Variants in RP1 observed in about 807,000 individuals in gnomAD.
RP1 encodes oxygen-regulated protein 1.
In RP1, 16 loss-of-function variants were observed where a neutral mutation model predicts 14.8. The ratio of observed to expected loss-of-function variants is 1.08; its 90% CI spans 0.73 to 1.65. The LOEUF (loss-of-function observed/expected upper bound fraction) is 1.65. Ranked by LOEUF, RP1 falls within the 40% of genes most tolerant of loss-of-function variation. The probability of loss-of-function intolerance (pLI) is 0.00; values close to 1 mark genes in which losing one functional copy is unlikely to be tolerated. For missense variants in RP1, 2,631 were observed against 2,535.0 expected (o/e 1.04, Z -0.81); for synonymous variants, 876 against 883.6 (o/e 0.99, Z 0.15).
intron 6 of RP1, chr8:54,656,252 C>T (rs527457753): frequency 6.6e-7 from 1 of 1,519,968 alleles, no homozygotes; most frequent in East Asian, 2.5e-5. Context: ...ATGGATAAAA[C>T]TTGTTTGCCT....
rs1811039249 is a variant in RP1 at position 54,812,795 on chromosome 8, A to ATCTG, written c.3616-24652_3616-24651insGTCT. Among the ~76,000 whole-genome samples the ATCTG allele has an allele frequency of 4.0e-5, 6 of 148,664 alleles. No individual in the cohort carries two copies. In the South Asian group the frequency reaches 1.3e-3, roughly 31 times the overall value. On this transcript the variant is annotated intron_variant, in intron 24 of 28. Transcript: ENST00000637698. ...TATCTATCTATCTATCTATCTATCTATCTATCTATCTATCTCTCCGTCTTC... is the reference window on the plus strand; with the variant it reads ...TATCTATCTATCTATCTATCTATCTATCTGTCTATCTATCTATCTCTCCGTCTTC...
At chr8:54,855,090 C>T (rs1767779604) in intron 26 of RP1, among the ~76,000 whole-genome samples, 1 of 152,184 alleles carries the variant, frequency 6.6e-6, no homozygotes, top group Admixed American at 6.5e-5. Flanking sequence ...CAGCCCTTGG[C>T]AACCACCATT....
intron 27 of RP1, among the ~76,000 whole-genome samples, chr8:54,858,640 T>A (rs1031378931): frequency 4.0e-5 from 6 of 150,438 alleles, no homozygotes; most frequent in African/African-American, 1.5e-4. Context: ...CACTGTAGAG[T>A]TGCATTTCTG....
rs1276684118 is a variant in RP1, at chr8:54,628,849, T to G, written c.4967T>G (p.Val1656Gly). ...FFPGSTRKSQ[V>G]CPYNSVEFQC... ...CCTGGGTCTACCCGCAAATCTCAGG[T>G]TTGTCCTTATAATTCTGTGGAATTT... Residue 1656 changes from valine (V) to glycine (G), a missense_variant, in exon 4 of 4, where the codon GTT becomes GGT. By Grantham distance (109) the Val-to-Gly change is moderately radical. Transcript: ENST00000220676. The G allele has an allele frequency of 1.2e-5, 19 of 1,614,120 alleles. No homozygotes were observed. Among genetic ancestry groups the G allele is most frequent in the Non-Finnish European group, 1.6e-5 (19 of 1,179,986 alleles).
At chr8:54,617,268 A>G (rs1805741820) in intron 1 of RP1, among the ~76,000 whole-genome samples, 1 of 152,200 alleles carries the variant, frequency 6.6e-6, no homozygotes, top group Non-Finnish European at 1.5e-5. Context: ...CAACCATTTT[A>G]TGCTGCTCAG....
At chr8:54,694,110 C>T (rs954044093) in intron 12 of RP1, among the ~76,000 whole-genome samples, 4 of 152,028 alleles carry the variant, frequency 2.6e-5, no homozygotes, top group Non-Finnish European at 4.4e-5. Context: ...TATTTATATG[C>T]TGGATTACAT....
rs983038224 is a variant in RP1, at chr8:54,620,939, T to C, written c.-12-16T>C. Reference sequence around the variant, plus strand: ...ATGGTGCTGTGATTCTGGAGATAATTTTCTTTCTTCTCTAGGTCTCAGCCA... The same window carrying C: ...ATGGTGCTGTGATTCTGGAGATAATCTTCTTTCTTCTCTAGGTCTCAGCCA... On this transcript the variant is annotated splice_polypyrimidine_tract_variant and intron_variant, in intron 1 of 3. Coordinates refer to ENST00000220676, the MANE Select transcript of RP1 (RefSeq NM_006269.2). 2 of 1,612,864 alleles carry C rather than the reference T, an allele frequency of 1.2e-6. No homozygotes were observed. The highest frequency in any genetic ancestry group is 8.5e-7 in the Non-Finnish European group (1 of 1,178,852).
At chr8:54,848,400 G>A (rs1280140501) in intron 25 of RP1, among the ~76,000 whole-genome samples, 1 of 152,128 alleles carries the variant, frequency 6.6e-6, no homozygotes, top group East Asian at 1.9e-4. Context: ...TAAACTTCAG[G>A]TGTCTGGTTG....
At chr8:54,637,423 A>T (rs916540449) in intron 3 of RP1, among the ~76,000 whole-genome samples, 2 of 151,996 alleles carry the variant, frequency 1.3e-5, no homozygotes, top group Non-Finnish European at 2.9e-5. Context: ...TCAATGGTGA[A>T]CTCTTCCATT....
At chr8:54,659,916 CAT>C (rs1806848302) in intron 6 of RP1, among the ~76,000 whole-genome samples, 1 of 152,040 alleles carries the variant, frequency 6.6e-6, no homozygotes, top group South Asian at 2.1e-4. Context: ...TTTCACTGTA[CAT>C]ATCTTTTGCT....
At chr8:54,647,136 T>C (rs1403236598) in intron 3 of RP1, among the ~76,000 whole-genome samples, 1 of 152,158 alleles carries the variant, frequency 6.6e-6, no homozygotes, top group Non-Finnish European at 1.5e-5. Flanking sequence ...ACAGGCCAGG[T>C]GCAGTGGCTC....
intron 1 of RP1, among the ~76,000 whole-genome samples, chr8:54,582,946 C>T (rs147339313): frequency 7.2e-5 from 11 of 152,276 alleles, no homozygotes; most frequent in African/African-American, 2.6e-4. Context: ...CATCTGGAAA[C>T]AGGGACAATT....
intron 1 of RP1, among the ~76,000 whole-genome samples, chr8:54,609,892 C>A (rs1304214825): frequency 6.6e-6 from 1 of 152,178 alleles, no homozygotes; most frequent in Non-Finnish European, 1.5e-5. Context: ...CTGCTCTTAC[C>A]CACAGCATTA....
At chr8:54,651,438 T>G (rs1023450680) in intron 4 of RP1, among the ~76,000 whole-genome samples, 5 of 152,146 alleles carry the variant, frequency 3.3e-5, no homozygotes, top group Admixed American at 1.3e-4. Context: ...TGATTCAATC[T>G]CTTTACCCTT....
At chr8:54,670,338 GA>G (rs1424865951) in intron 7 of RP1, among the ~76,000 whole-genome samples, 1 of 151,064 alleles carries the variant, frequency 6.6e-6, no homozygotes, top group Non-Finnish European at 1.5e-5. Context: ...ATCCATTATT[GA>G]AAGTGGGGCA....
At chr8:54,598,649 A>T (rs1014617875) in intron 1 of RP1, among the ~76,000 whole-genome samples, 11 of 152,006 alleles carry the variant, frequency 7.2e-5, no homozygotes, top group African/African-American at 2.7e-4. Context: ...TTTTAGAGTA[A>T]TTCTGCTGGT....
Sources: gnomAD v4.1 joint callset for allele counts (sites outside exome capture counted in the v4.1 genomes callset) on GRCh38, gnomAD v4.1.1 for gene constraint, MANE v1.5 for transcripts, NCBI Gene and HGNC (gene_info 2026-07-23, HGNC 2026-07-21) for gene names.